The following TANC1 variants were observed in gnomAD, a reference collection of about 807,000 sequenced individuals.
TANC1 encodes tetratricopeptide repeat, ankyrin repeat and coiled-coil containing 1.
A neutral mutation model predicts 149.7 loss-of-function variants in TANC1; 77 were observed. The ratio of observed to expected loss-of-function variants is 0.51; its 90% confidence interval spans 0.43 to 0.62. TANC1 has a LOEUF of 0.62. TANC1 is among the 20% of genes least tolerant of loss of function. The probability of loss-of-function intolerance (pLI) is 0.00; values close to 1 mark genes in which losing one functional copy is unlikely to be tolerated. For missense variants in TANC1, 1,985 were observed against 2,321.8 expected (o/e 0.85, Z 2.98); for synonymous variants, 854 against 925.0 (o/e 0.92, Z 1.39).
rs1177704239 is a variant in TANC1, at chr2:159,231,333, C to T, written c.*321C>T. 1.7e-5 allele frequency: 4 copies of T among 230,310 alleles called. No individual in the cohort carries two copies. In the Admixed American group the frequency reaches 2.0e-4, roughly 12 times the overall value. The allele number at this position is 230,310 out of a possible 1,614,324, so 14.3% of individuals were successfully genotyped here. A position where few individuals can be genotyped will look rare whatever the true frequency, so the allele number is the denominator to read the frequency against. Reference sequence around the variant, plus strand: ...TTGCCTTTGCTATATGGTAGAATCACAGAACTTACTTAGAGAATAAATATG... The same window carrying T: ...TTGCCTTTGCTATATGGTAGAATCATAGAACTTACTTAGAGAATAAATATG... On this transcript the variant is annotated 3_prime_UTR_variant, in exon 27 of 27. Transcript: ENST00000263635.
chr2:159,172,053 GA>G, intron 10 of TANC1, 67 bp from the exon 11 acceptor site: 1 of 1,486,168 alleles, frequency 6.7e-7, no homozygotes, highest in Non-Finnish European at 9.2e-7. Flanking sequence ...CACAAATCAA[GA>G]AATATATTCA....
intron 4 of TANC1, among the ~76,000 whole-genome samples, chr2:159,131,137 T>C (rs909602792): frequency 2.0e-5 from 3 of 152,038 alleles, no homozygotes; most frequent in Non-Finnish European, 4.4e-5. Context: ...TCAGATCTCA[T>C]AGCTGGGGGC....
At position 159,207,290 on chromosome 2, in the gene TANC1, C is replaced by T. The variant is rs189041232; in HGVS notation, c.3244+8237C>T. 2.7e-4 allele frequency among the ~76,000 whole-genome samples: 41 copies of T among 152,286 alleles called. No homozygotes were observed. In the East Asian group the frequency reaches 6.9e-3, roughly 26 times the overall value. Reference sequence around the variant, plus strand: ...GTCCATGGGAGAAATCGCAGCAGTTCCTCAGAAAAAGAGAAGCACTTTCTG... The same window carrying T: ...GTCCATGGGAGAAATCGCAGCAGTTTCTCAGAAAAAGAGAAGCACTTTCTG... On this transcript the variant is annotated intron_variant, in intron 19 of 26. Transcript: ENST00000263635.
intron 2 of TANC1, among the ~76,000 whole-genome samples, chr2:159,061,534 A>G (rs1022022620): frequency 1.3e-5 from 2 of 152,214 alleles, no homozygotes; most frequent in Non-Finnish European, 2.9e-5. Flanking sequence ...TTTTTGTTCA[A>G]TCATGCTTCT....
At chr2:159,134,374 G>A (rs1268266955) in intron 4 of TANC1, among the ~76,000 whole-genome samples, 1 of 151,824 alleles carries the variant, frequency 6.6e-6, no homozygotes, top group Admixed American at 6.6e-5. Flanking sequence ...GTGTGATCTT[G>A]GCTCACTGCA....
At chr2:158,986,353 T>C (rs1048653824) in intron 1 of TANC1, among the ~76,000 whole-genome samples, 1 of 151,878 alleles carries the variant, frequency 6.6e-6, no homozygotes, top group African/African-American at 2.4e-5. Flanking sequence ...AGGGGCAGAG[T>C]TTGGGGGCCA....
chr2:159,059,947 G>GTT (rs571783170), intron 2 of TANC1, among the ~76,000 whole-genome samples: 2 of 102,906 alleles, frequency 1.9e-5, no homozygotes, highest in African/African-American at 3.3e-5. Flanking sequence ...TGTTGTTGTT[G>GTT]TTTTTTTTTT....
chr2:159,229,971 A>G lies in TANC1; in HGVS notation c.4545A>G (p.Arg1515=), dbSNP rs767411963. The part of the protein sequence containing the change: ...QSRAGIGKSL[R]EPVAQPGLLL... ...GGGCAGGAATCGGCAAGTCCCTGAG[A>G]GAGCCTGTGGCCCAGCCAGGGCTGC... The change falls in exon 27 of 27, where the codon AGA becomes AGG. Residue 1515 remains arginine, a synonymous_variant. Coordinates refer to ENST00000263635, the MANE Select transcript of TANC1 (RefSeq NM_033394.3). 1 of 1,614,078 alleles carries G rather than the reference A, an allele frequency of 6.2e-7. No homozygotes were observed. The highest frequency in any genetic ancestry group is 1.1e-5 in the South Asian group (1 of 91,088).
intron 2 of TANC1, among the ~76,000 whole-genome samples, chr2:159,040,034 C>T (rs2040505708): frequency 6.6e-6 from 1 of 152,154 alleles, no homozygotes; most frequent in African/African-American, 2.4e-5. Flanking sequence ...TCTGGGTGCT[C>T]CTGCATTGGG....
intron 5 of TANC1, chr2:159,147,447 G>C (rs983276823): frequency 1.4e-4 from 21 of 152,272 alleles, no homozygotes; most frequent in African/African-American, 4.8e-4. Context: ...GTGCCATCCT[G>C]TTCTGAGGGC....
chr2:159,009,299 CATATCTGCATTCCCA>C (rs1248018050), intron 2 of TANC1, among the ~76,000 whole-genome samples: 1 of 152,204 alleles, frequency 6.6e-6, no homozygotes, highest in Non-Finnish European at 1.5e-5. Context: ...ATGTTGAAGA[CATATCTGCATTCCCA>C]TGTTTATTGC....
intron 2 of TANC1, among the ~76,000 whole-genome samples, chr2:159,035,100 A>G (rs573855151): frequency 2.0e-5 from 3 of 152,104 alleles, no homozygotes; most frequent in Non-Finnish European, 2.9e-5. Context: ...GAGAAAAAAA[A>G]TTTTTTTGAT....
chr2:159,162,988 G>A (rs6711913), intron 7 of TANC1, among the ~76,000 whole-genome samples: 44,466 of 152,050 alleles, frequency 0.29, 7,758 homozygotes, highest in Non-Finnish European at 0.41. Flanking sequence ...ATTATCTCCA[G>A]GTTACATAAT....
intron 14 of TANC1, among the ~76,000 whole-genome samples, chr2:159,184,795 A>C (rs963124785): frequency 3.3e-5 from 5 of 152,194 alleles, no homozygotes; most frequent in African/African-American, 1.2e-4. Context: ...GGCCATTACA[A>C]GACAATGGAC....
At chr2:159,126,228 T>C (rs972675483) in intron 4 of TANC1, among the ~76,000 whole-genome samples, 1 of 152,196 alleles carries the variant, frequency 6.6e-6, no homozygotes, top group African/African-American at 2.4e-5. Flanking sequence ...TCTTTAGAAT[T>C]TGGCCCACCA....
chr2:159,062,218 A>G (rs2042285187), intron 2 of TANC1, among the ~76,000 whole-genome samples: 1 of 152,242 alleles, frequency 6.6e-6, no homozygotes, highest in Non-Finnish European at 1.5e-5. Flanking sequence ...AGCCTGGGCA[A>G]TAAAGTGAGA....
intron 3 of TANC1, among the ~76,000 whole-genome samples, chr2:159,092,787 G>C (rs2045682242): frequency 6.6e-6 from 1 of 152,178 alleles, no homozygotes; most frequent in South Asian, 2.1e-4. Flanking sequence ...AATATTTACT[G>C]TCATACCCTT....
At chr2:159,162,220 T>C (rs2054116362) in intron 7 of TANC1, among the ~76,000 whole-genome samples, 1 of 152,244 alleles carries the variant, frequency 6.6e-6, no homozygotes, top group African/African-American at 2.4e-5. Flanking sequence ...TGATACAGTG[T>C]GTATCATCTT....
chr2:159,086,744 C>G (rs1190160152), intron 3 of TANC1, among the ~76,000 whole-genome samples: 4 of 152,080 alleles, frequency 2.6e-5, no homozygotes, highest in East Asian at 3.9e-4. Flanking sequence ...GGGAAAAAAC[C>G]GTTCATACTT....
Sources: allele counts gnomAD v4.1 joint callset (sites outside exome capture counted in the v4.1 genomes callset), GRCh38; gene constraint gnomAD v4.1.1; transcripts MANE v1.5; gene names NCBI Gene and HGNC (gene_info 2026-07-23, HGNC 2026-07-21).